Variants in DZIP1L observed in about 807,000 individuals in gnomAD.
DZIP1L encodes the protein DAZ interacting zinc finger protein 1 like.
In DZIP1L, 90 loss-of-function variants were observed where a neutral mutation model predicts 88.7. That is an observed-to-expected ratio of 1.02 (90% CI 0.86 to 1.21). The LOEUF (loss-of-function observed/expected upper bound fraction) is 1.21, where lower values mean the gene tolerates loss of function less well. Ranked by LOEUF, DZIP1L falls within the 50% of genes most tolerant of loss-of-function variation. The pLI, the probability that DZIP1L is intolerant of heterozygous loss-of-function variation, is 0.00. For synonymous variants in DZIP1L, 363 were observed against 372.1 expected (o/e 0.98, Z 0.28); for missense variants, 932 against 955.8 (o/e 0.98, Z 0.33).
intron 10 of DZIP1L, among the ~76,000 whole-genome samples, chr3:138,079,794 A>G (rs1489091181): frequency 1.3e-5 from 2 of 152,198 alleles, no homozygotes; most frequent in Non-Finnish European, 2.9e-5. Context: ...ATACCCCATG[A>G]TGAGCTCTTT....
intron 6 of DZIP1L, 55 bp from the exon 7 acceptor site, chr3:138,087,078 A>T: frequency 1.3e-6 from 2 of 1,564,034 alleles, no homozygotes; most frequent in Non-Finnish European, 8.8e-7. Context: ...AAAACATGTT[A>T]TAAAGCTACA....
intron 2 of DZIP1L, among the ~76,000 whole-genome samples, chr3:138,099,177 T>C (rs1386299742): frequency 1.3e-5 from 2 of 152,230 alleles, no homozygotes; most frequent in Non-Finnish European, 2.9e-5. Context: ...TCCTAGTTTC[T>C]GGCAAGGAGG....
At chr3:138,092,843 C>T (rs965157656) in intron 4 of DZIP1L, among the ~76,000 whole-genome samples, 1 of 152,238 alleles carries the variant, frequency 6.6e-6, no homozygotes, top group South Asian at 2.1e-4. Context: ...TCAGTCCCAT[C>T]TTCAGGCTCC....
chr3:138,089,237 C>T (rs943277868), intron 5 of DZIP1L: 1 of 985,312 alleles, frequency 1.0e-6, no homozygotes, highest in Non-Finnish European at 1.2e-6. Flanking sequence ...CTAAACAATA[C>T]TGGTTCCAAA....
chr3:138,089,062 C>CT, intron 5 of DZIP1L: 1 of 985,404 alleles, frequency 1.0e-6, no homozygotes, highest in Non-Finnish European at 1.2e-6. Context: ...TTCCACCCAC[C>CT]TTTGATTATT....
At position 138,097,866 on chromosome 3, in the gene DZIP1L, A is replaced by G. The variant is rs776852771; in HGVS notation, c.502-19T>C. The G allele has an allele frequency of 6.2e-7, 1 of 1,602,590 alleles. No individual in the cohort carries two copies. Among genetic ancestry groups the G allele is most frequent in the Non-Finnish European group, 8.5e-7 (1 of 1,173,160 alleles). ...GGTGGCACTATACAGAGAGGAAGCA[A>G]TGGGGAGTACAAGATTAGGTCACCT... On this transcript the variant is annotated intron_variant, in intron 2 of 15. Coordinates refer to ENST00000327532, the MANE Select transcript of DZIP1L (RefSeq NM_173543.3).
intron 1 of DZIP1L, among the ~76,000 whole-genome samples, chr3:138,108,431 A>G (rs898049254): frequency 6.6e-6 from 1 of 151,098 alleles, no homozygotes; most frequent in Non-Finnish European, 1.5e-5. Context: ...AAAGTCAAGA[A>G]CTCTCCATCA....
intron 3 of DZIP1L, among the ~76,000 whole-genome samples, chr3:138,095,556 T>G (rs1944431609): frequency 6.6e-6 from 1 of 152,094 alleles, no homozygotes; most frequent in Non-Finnish European, 1.5e-5. Flanking sequence ...CAAGGCAGGC[T>G]GATCACTAGG....
At chr3:138,066,649 C>T (rs1258831079) in intron 14 of DZIP1L, among the ~76,000 whole-genome samples, 1 of 151,958 alleles carries the variant, frequency 6.6e-6, no homozygotes, top group African/African-American at 2.4e-5. Flanking sequence ...GCGAAGAGAT[C>T]CACACAGAGC....
intron 1 of DZIP1L, among the ~76,000 whole-genome samples, chr3:138,106,967 C>T (rs1412847324): frequency 6.6e-6 from 1 of 152,132 alleles, no homozygotes; most frequent in Non-Finnish European, 1.5e-5. Flanking sequence ...CAGTGACAGG[C>T]CAGCCCTGCC....
In DZIP1L at chr3:138,103,532, C is replaced by A. The variant is rs768461359; in HGVS notation, c.440G>T (p.Arg147Leu). 5 of 1,610,976 alleles carry A rather than the reference C, an allele frequency of 3.1e-6. No homozygotes were observed. The highest frequency in any genetic ancestry group is 4.2e-6 in the Non-Finnish European group (5 of 1,179,732). ...KGVREESRRR[R>L]KMISTLQQLL... The stretch of plus-strand genomic sequence containing the variant: ...CTGCTGCAGGGTGCTGATCATCTTG[C>A]GACGCCGGCGGCTCTCCTCCCGCAC... The change falls in exon 2 of 16, where the codon CGC becomes CTC. Residue 147 changes from arginine (R) to leucine (L), a missense_variant. Transcript: ENST00000327532.
Position 138,062,765 on chromosome 3 carries a change from G to C in DZIP1L, c.*51C>G. 6.2e-7 allele frequency: 1 copy of C among 1,604,724 alleles called. No individual in the cohort carries two copies. Among genetic ancestry groups the C allele is most frequent in the Non-Finnish European group, 8.5e-7 (1 of 1,173,696 alleles). ...CAGCCTCTTCTGTTGAAGTGGACCT[G>C]AGCTGGCCCCAGCCAGGCTAACCCT... On this transcript the variant is annotated 3_prime_UTR_variant, in exon 16 of 16. Coordinates refer to ENST00000327532, the MANE Select transcript of DZIP1L (RefSeq NM_173543.3).
At chr3:138,093,561 A>G (rs1334585681) in intron 4 of DZIP1L, among the ~76,000 whole-genome samples, 1 of 152,240 alleles carries the variant, frequency 6.6e-6, no homozygotes, top group Non-Finnish European at 1.5e-5. Flanking sequence ...GCTTATTCCT[A>G]TAGAAGGTTG....
At chr3:138,102,887 T>C in intron 2 of DZIP1L, 1 of 635,884 alleles carries the variant, frequency 1.6e-6, no homozygotes, top group Non-Finnish European at 2.8e-6. Flanking sequence ...GTGGGCACCT[T>C]GTAGGACTTC....
Position 138,067,555 on chromosome 3 carries a change from C to T in DZIP1L, c.1978G>A (p.Ala660Thr). ...CCTGAGCCCTGGCCAGGGGGCTGGG[C>T]ATTCTCCTCCGAGGTCTCTGTGTCA... ...WSDTETSEEN[A>T]QPPGQGSGTL... The change falls in exon 14 of 16, where the codon GCC becomes ACC. Residue 660 changes from alanine to threonine, a missense_variant. Physicochemically the swap from Ala to Thr is moderately conservative, Grantham distance 58. Coordinates refer to ENST00000327532, the MANE Select transcript of DZIP1L (RefSeq NM_173543.3). 6.2e-7 allele frequency: 1 copy of T among 1,608,844 alleles called. No individual in the cohort carries two copies. The highest frequency in any genetic ancestry group is 1.1e-5 in the South Asian group (1 of 90,174).
intron 2 of DZIP1L, among the ~76,000 whole-genome samples, chr3:138,098,094 G>C (rs1468179435): frequency 1.3e-5 from 2 of 152,212 alleles, no homozygotes; most frequent in Non-Finnish European, 2.9e-5. Context: ...AGGAATTTCT[G>C]TTGCTTTTTC....
intron 2 of DZIP1L, among the ~76,000 whole-genome samples, chr3:138,103,268 C>T (rs962605407): frequency 2.6e-5 from 4 of 151,236 alleles, no homozygotes; most frequent in Non-Finnish European, 4.4e-5. Flanking sequence ...CACACACATA[C>T]ACACACACAC....
In DZIP1L at chr3:138,081,753, C is replaced by T; in HGVS notation, c.1215G>A (p.Leu405=). The change falls in exon 9 of 16, where the codon TTG becomes TTA. Residue 405 remains leucine (L), a synonymous_variant. Transcript: ENST00000327532. ...IASQEEMIQS[L]SLRKVEGIHK... ...ACTTACCTTCCACCTTCCTGAGAGA[C>T]AAGGACTGGATCTGCAAAGAGGTGG... 1.2e-6 allele frequency: 2 copies of T among 1,613,326 alleles called. No individual in the cohort carries two copies. The highest frequency in any genetic ancestry group is 1.7e-6 in the Non-Finnish European group (2 of 1,179,568).
rs116389772 is a variant in DZIP1L, at chr3:138,103,444, T to C, written c.501+27A>G. Reference sequence around the variant, plus strand: ...TGGCTGGGGCACACAGCCCTCCCACTCTCCCTGCCTGGTGGAGATTCCTCA... The same window carrying C: ...TGGCTGGGGCACACAGCCCTCCCACCCTCCCTGCCTGGTGGAGATTCCTCA... On this transcript the variant is annotated intron_variant, in intron 2 of 15. Coordinates refer to ENST00000327532, the MANE Select transcript of DZIP1L (RefSeq NM_173543.3). 1.9e-3 allele frequency: 2,968 copies of C among 1,570,214 alleles called. 70 individuals are homozygous for C. The African/African-American group carries it at 0.036, about 19-fold the overall frequency.
Sources: gnomAD v4.1 joint callset for allele counts (sites outside exome capture counted in the v4.1 genomes callset) on GRCh38, gnomAD v4.1.1 for gene constraint, MANE v1.5 for transcripts, NCBI Gene and HGNC (gene_info 2026-07-23, HGNC 2026-07-21) for gene names.